NPIPB6: variants seen among roughly 807,000 people sequenced by gnomAD.
NPIPB6 encodes nuclear pore complex-interacting protein family member B6.
In NPIPB6, 2 loss-of-function variants were observed where a neutral mutation model predicts 20.0. The ratio of observed to expected loss-of-function variants is 0.10; its 90% confidence interval spans 0.04 to 0.31. The LOEUF is 0.31. NPIPB6 is among the 10% of genes least tolerant of loss of function. The pLI is 1.00. For missense variants in NPIPB6, 96 were observed against 293.7 expected (o/e 0.33, Z 4.92); for synonymous variants, 35 against 116.3 (o/e 0.30, Z 4.50).
intron 1 of NPIPB6, among the ~76,000 whole-genome samples, chr16:28,361,779 T>TGC (rs1297138363): frequency 4.4e-5 from 6 of 137,212 alleles, no homozygotes; most frequent in African/African-American, 1.6e-4. Context: ...TATGTGTGTG[T>TGC]GTGTGTGTAT....
At position 28,360,527 on chromosome 16, in the gene NPIPB6, C is replaced by T. The variant is rs559150934; in HGVS notation, c.120+2176G>A. 3.8e-5 allele frequency among the ~76,000 whole-genome samples: 5 copies of T among 133,182 alleles called. No homozygotes were observed. In the South Asian group the frequency reaches 9.4e-4, roughly 25 times the overall value. 87.4% of individuals were successfully genotyped at this position (133,182 alleles called of 152,430 possible). Reference sequence around the variant, plus strand: ...CCTGGCTGAGGATAAAGCAAATCTGCGGTGACTTAGTCCTCCTGTCATTTC... The same window carrying T: ...CCTGGCTGAGGATAAAGCAAATCTGTGGTGACTTAGTCCTCCTGTCATTTC... On this transcript the variant is annotated intron_variant, in intron 1 of 6. Coordinates refer to ENST00000532254, the Ensembl canonical transcript of NPIPB6.
exon 7 of NPIPB6, chr16:28,343,096 G>C (rs1488682760): frequency 1.4e-6 from 2 of 1,454,630 alleles, no homozygotes; most frequent in African/African-American, 2.8e-5. Context: ...GAGGTGGCTG[G>C]CGGCCCATCC....
chr16:28,342,911 A>C, exon 7 of NPIPB6: 1 of 1,572,164 alleles, frequency 6.4e-7, no homozygotes, highest in East Asian at 2.3e-5. Flanking sequence ...CGGGACAAAG[A>C]GACATTCCTT....
chr16:28,351,696 A>T (rs1174480472), intron 2 of NPIPB6, among the ~76,000 whole-genome samples: 2 of 118,636 alleles, frequency 1.7e-5, no homozygotes, highest in African/African-American at 5.8e-5. Context: ...TTATACCGAA[A>T]ATTCTCTGTT....
At position 28,347,945 on chromosome 16, in the gene NPIPB6, A is replaced by T. The variant is rs1481147470; in HGVS notation, c.599+889T>A. 4.3e-5 allele frequency among the ~76,000 whole-genome samples: 5 copies of T among 116,470 alleles called. 2 individuals carry two copies. The highest frequency in any genetic ancestry group is 9.8e-5 in the Non-Finnish European group (5 of 51,186). The allele number at this position is 116,470 out of a possible 152,430, so 76.4% of individuals were successfully genotyped here. A position where few individuals can be genotyped will look rare whatever the true frequency, so the allele number is the denominator to read the frequency against. The stretch of plus-strand genomic sequence containing the variant: ...GCCAATATGGTGAAACCCCGCCTCT[A>T]CTAAGAATACAAAAATTATCCGGGC... On this transcript the variant is annotated intron_variant, in intron 4 of 6. Transcript: ENST00000532254.
intron 2 of NPIPB6, among the ~76,000 whole-genome samples, chr16:28,351,643 C>T (rs1247701534): frequency 5.0e-4 from 47 of 94,130 alleles, no homozygotes; most frequent in Non-Finnish European, 8.4e-4. Context: ...AGACTCGTCT[C>T]GGGGGTGAGA....
At chr16:28,349,426 C>A (rs1336320924) in intron 2 of NPIPB6, among the ~76,000 whole-genome samples, 185 bp from the exon 4 acceptor site, 1 of 80,944 alleles carries the variant, frequency 1.2e-5, no homozygotes, top group African/African-American at 4.1e-5. Context: ...GCAGCGGGCG[C>A]CTGTAATCCA....
At chr16:28,358,947 T>C (rs1477339375) in intron 1 of NPIPB6, among the ~76,000 whole-genome samples, 1 of 144,430 alleles carries the variant, frequency 6.9e-6, no homozygotes, top group Non-Finnish European at 1.5e-5. Flanking sequence ...CCAGGCATGG[T>C]GGCACCCGCC....
exon 7 of NPIPB6, chr16:28,342,892 G>A (rs1284591285): frequency 1.9e-6 from 3 of 1,573,354 alleles, no homozygotes; most frequent in African/African-American, 1.4e-5. Flanking sequence ...GAAGAGGAGA[G>A]GGTGGAAGCG....
intron 6 of NPIPB6, 41 bp from the exon 8 acceptor site, chr16:28,343,229 T>C: frequency 6.5e-7 from 1 of 1,538,558 alleles, no homozygotes; most frequent in South Asian, 1.1e-5. Flanking sequence ...ACATATTCAT[T>C]TGATGGACAA....
At chr16:28,360,119 G>A (rs1596584012) in intron 1 of NPIPB6, among the ~76,000 whole-genome samples, 1 of 133,268 alleles carries the variant, frequency 7.5e-6, no homozygotes, top group African/African-American at 2.7e-5. Flanking sequence ...ACAGGAAAAT[G>A]CACAGAATAC....
rs1396214703 is a variant in NPIPB6, at chr16:28,355,561, C to G, written c.121-2500G>C. ...ATCACCTGAGGTCAGGAGTTCAAAA[C>G]CAGCCTGACCAACATGGAGAAACCC... is the stretch of plus-strand genomic sequence containing the variant. On this transcript the variant is annotated intron_variant, in intron 1 of 6. Transcript: ENST00000532254. 4.2e-5 allele frequency among the ~76,000 whole-genome samples: 5 copies of G among 118,128 alleles called. 1 individual carries two copies. In the East Asian group the frequency reaches 1.3e-3, roughly 30 times the overall value. 77.5% of individuals were successfully genotyped at this position (118,128 alleles called of 152,430 possible).
chr16:28,358,999 T>C (rs1412887420), intron 1 of NPIPB6, among the ~76,000 whole-genome samples: 2 of 131,190 alleles, frequency 1.5e-5, no homozygotes, highest in East Asian at 2.7e-4. Context: ...GGACAATCCC[T>C]TGGACCCGGG....
chr16:28,349,998 A>T (rs1005413858), intron 2 of NPIPB6, among the ~76,000 whole-genome samples: 1 of 100,516 alleles, frequency 9.9e-6, no homozygotes, highest in Admixed American at 1.2e-4. Flanking sequence ...AGAGATGGAG[A>T]CCATCCTGGG....
At chr16:28,342,738 C>T (rs1485970374) in exon 7 of NPIPB6, 3 of 1,559,798 alleles carry the variant, frequency 1.9e-6, no homozygotes, top group Admixed American at 1.9e-5. Context: ...GGCGATTGTT[C>T]CACCTCATCC....
intron 1 of NPIPB6, among the ~76,000 whole-genome samples, chr16:28,358,761 AT>A (rs1359216232): frequency 7.4e-6 from 1 of 135,618 alleles, no homozygotes; most frequent in Non-Finnish European, 1.6e-5. Flanking sequence ...ATGGAATTCA[AT>A]TCTATTTATA....
chr16:28,354,966 CAAAAAA>C (rs1394175050), intron 1 of NPIPB6, among the ~76,000 whole-genome samples: 4 of 17,912 alleles, frequency 2.2e-4, no homozygotes, highest in African/African-American at 9.8e-4. Context: ...GACTCTGTCT[CAAAAAA>C]AAAAAAAAAA....
chr16:28,355,769 A>C (rs1211541362), intron 1 of NPIPB6, among the ~76,000 whole-genome samples: 4 of 127,716 alleles, frequency 3.1e-5, no homozygotes, highest in African/African-American at 1.1e-4. Context: ...AAAAATAAAT[A>C]AATAAATAAA....
At chr16:28,343,092 G>C (rs1368931410) in exon 7 of NPIPB6, 1 of 1,455,436 alleles carries the variant, frequency 6.9e-7, no homozygotes, top group Non-Finnish European at 9.4e-7. Context: ...GGAGGAGGTG[G>C]CTGGCGGCCC....
Sources: gnomAD v4.1 joint callset for allele counts (sites outside exome capture counted in the v4.1 genomes callset) on GRCh38, gnomAD v4.1.1 for gene constraint, MANE v1.5 for transcripts, NCBI Gene and HGNC (gene_info 2026-07-23, HGNC 2026-07-21) for gene names.